Variants in CTU2 observed in about 807,000 individuals in gnomAD.
The protein encoded by CTU2 is cytoplasmic tRNA 2-thiolation protein 2.
CTU2 carries 80 observed loss-of-function variants against 64.1 expected under a neutral mutation model. The observed-to-expected ratio is 1.25, with a 90% CI of 1.04 to 1.50. The LOEUF (loss-of-function observed/expected upper bound fraction) is 1.50, where lower values mean the gene tolerates loss of function less well. Ranked by LOEUF, CTU2 falls within the 40% of genes most tolerant of loss-of-function variation. The pLI is 0.00. For missense variants in CTU2, 1,110 were observed against 690.2 expected (o/e 1.61, Z -6.81); for synonymous variants, 482 against 285.3 (o/e 1.69, Z -6.95).
At chr16:88,713,872 C>G in intron 9 of CTU2, 94 bp downstream of exon 9, 1 of 1,512,484 alleles carries the variant, frequency 6.6e-7, no homozygotes, top group East Asian at 2.3e-5. Context: ...GTCACCAGCA[C>G]ACCTTCAGTG....
intron 2 of CTU2, 98 bp from the exon 3 acceptor site, chr16:88,709,840 T>A: frequency 1.0e-6 from 1 of 979,756 alleles, no homozygotes; most frequent in Non-Finnish European, 1.6e-6. Flanking sequence ...CTTTTAAAGA[T>A]GGAGATTGGC....
chr16:88,712,870 A>G lies in CTU2; in HGVS notation c.702A>G (p.Thr234=), dbSNP rs1300178514. 2 of 1,539,550 alleles carry G rather than the reference A, an allele frequency of 1.3e-6. No individual in the cohort carries two copies. The highest frequency in any genetic ancestry group is 1.4e-5 in the African/African-American group (1 of 70,736). ...ALSQLFCSVR[T]LTAKEELLQT... Reference sequence around the variant, plus strand: ...CCCAACTGTTCTGCTCAGTGAGGACACTGACTGCCAAGGAGGAGCTTCTGC... The same window carrying G: ...CCCAACTGTTCTGCTCAGTGAGGACGCTGACTGCCAAGGAGGAGCTTCTGC... Residue 234 remains threonine, a synonymous_variant, in exon 7 of 15, where the codon ACA becomes ACG. Coordinates refer to ENST00000453996, the MANE Select transcript of CTU2 (RefSeq NM_001012759.3).
chr16:88,714,171 G>A lies in CTU2; in HGVS notation c.1041G>A (p.Glu347=), dbSNP rs764623963. The A allele has an allele frequency of 1.2e-6, 2 of 1,612,616 alleles. No homozygotes were observed. Among genetic ancestry groups the A allele is most frequent in the African/African-American group, 2.7e-5 (2 of 74,906 alleles). ...AGGCCAGCATCCACCGGCTGATGGA[G>A]GCCTTCATCCTCAGGCTGCAGACCC... ...PEKASIHRLM[E]AFILRLQTQF... Residue 347 remains glutamate, a synonymous_variant, in exon 10 of 15, where the codon GAG becomes GAA. Transcript: ENST00000453996.
rs779865269 is a variant in CTU2 at position 88,713,695 on chromosome 16, C to G, written c.922C>G (p.Arg308Gly). The stretch of plus-strand genomic sequence containing the variant: ...GGACGTGGTGGTGGTGCGGCCCATG[C>G]GGGACCACACCCTGAAGGAGGTCGC... Reference protein sequence around the residue: ...HGDVVVVRPMRDHTLKEVAFY... With the variant: ...HGDVVVVRPMGDHTLKEVAFY... Residue 308 changes from arginine to glycine, a missense_variant, in exon 9 of 15, where the codon CGG (arginine) becomes GGG (glycine). By Grantham distance (125) the Arg-to-Gly change is moderately radical. Transcript: ENST00000453996. 2 of 1,612,592 alleles carry G rather than the reference C, an allele frequency of 1.2e-6. No individual in the cohort carries two copies. The highest frequency in any genetic ancestry group is 1.7e-4 in the Middle Eastern group (1 of 6,056).
intron 5 of CTU2, 58 bp downstream of exon 5, chr16:88,711,753 C>T: frequency 1.3e-6 from 2 of 1,521,250 alleles, no homozygotes; most frequent in South Asian, 1.2e-5. Flanking sequence ...CCCTGCGGAT[C>T]CTCCCTCTGG....
intron 4 of CTU2, 64 bp from the exon 5 acceptor site, chr16:88,711,571 T>G: frequency 1.8e-4 from 257 of 1,451,170 alleles, no homozygotes; most frequent in Middle Eastern, 3.6e-4. Flanking sequence ...AAGAATGTTC[T>G]GAGCTGGAAA....
intron 2 of CTU2, among the ~76,000 whole-genome samples, chr16:88,708,127 CTTT>C (rs977409369): frequency 5.9e-5 from 9 of 152,166 alleles, no homozygotes; most frequent in South Asian, 2.1e-4. Context: ...ATAGGTACTT[CTTT>C]AACCACCCAG....
At chr16:88,709,733 G>A (rs4598894) in intron 2 of CTU2, 527,340 of 584,486 alleles carry the variant, frequency 0.9, 238,161 homozygotes, top group Middle Eastern at 0.94. Context: ...GGGAGGGGCC[G>A]GTGAGCCTCG....
intron 4 of CTU2, among the ~76,000 whole-genome samples, chr16:88,711,406 G>T (rs984348752): frequency 1.3e-5 from 2 of 152,180 alleles, no homozygotes; most frequent in African/African-American, 4.8e-5. Flanking sequence ...TTTTACCAGG[G>T]GGATGAAGAC....
rs142156554 is a variant in CTU2, at chr16:88,714,627, C to T, written c.1242C>T (p.Leu414=). 3.1e-6 allele frequency: 5 copies of T among 1,612,528 alleles called. No individual in the cohort carries two copies. In the African/African-American group the frequency reaches 6.7e-5, roughly 22 times the overall value. Residue 414 remains leucine (L), a synonymous_variant, in exon 12 of 15, where the codon CTC becomes CTT. Transcript: ENST00000453996. Reference sequence around the variant, plus strand: ...TTGGGGCTCAGACCTCCTCGCGTCTCTCCCAGATGCAGTCACCCATCCCCC... The same window carrying T: ...TTGGGGCTCAGACCTCCTCGCGTCTTTCCCAGATGCAGTCACCCATCCCCC... ...TAFGAQTSSR[L]SQMQSPIPLT...
At chr16:88,708,641 C>T (rs571387654) in intron 2 of CTU2, among the ~76,000 whole-genome samples, 13 of 152,256 alleles carry the variant, frequency 8.5e-5, no homozygotes, top group East Asian at 1.9e-4. Context: ...ACTTGCTTTA[C>T]TGTCTGTAAA....
chr16:88,710,697 C>T (rs1390293906), intron 4 of CTU2: 1 of 183,322 alleles, frequency 5.5e-6, no homozygotes, highest in East Asian at 1.6e-4. Flanking sequence ...TGACTTCTGT[C>T]CATTTGCTCA....
chr16:88,709,940 A>G lies in CTU2; in HGVS notation c.146A>G (p.Asp49Gly), dbSNP rs1911180909. ...CTCATCTCAGGTCTGTGTTGCAGGG[A>G]CTGTTTCAAGGCCTTCTACGTCCAC... ...VIRAGDAFCR[D>G]CFKAFYVHKF... Residue 49 changes from aspartate (D) to glycine (G), a missense_variant and splice_region_variant, in exon 3 of 15, where the codon GAC becomes GGC. Transcript: ENST00000453996. 1 of 1,613,674 alleles carries G rather than the reference A, an allele frequency of 6.2e-7. No individual in the cohort carries two copies. The highest frequency in any genetic ancestry group is 8.5e-7 in the Non-Finnish European group (1 of 1,179,920).
chr16:88,710,408 C>G (rs1409572237), intron 4 of CTU2, 126 bp downstream of exon 4: 1 of 917,106 alleles, frequency 1.1e-6, no homozygotes, highest in South Asian at 1.5e-5. Flanking sequence ...GGCCTGGACA[C>G]TTGGGGGGTT....
chr16:88,715,024 C>T (rs762475337), intron 13 of CTU2, 24 bp from the exon 14 acceptor site: 1 of 1,579,634 alleles, frequency 6.3e-7, no homozygotes, highest in Non-Finnish European at 8.6e-7. Flanking sequence ...TTTCTTGGCC[C>T]CTCGACACCG....
chr16:88,706,528 C>G lies in CTU2; in HGVS notation c.-3C>G, dbSNP rs570424055. The G allele has an allele frequency of 1.0e-4, 152 of 1,449,456 alleles. No individual in the cohort carries two copies. The African/African-American group carries it at 2.0e-3, about 19-fold the overall frequency. 89.8% of individuals were successfully genotyped at this position (1,449,456 alleles called of 1,614,324 possible). On this transcript the variant is annotated 5_prime_UTR_variant, in exon 1 of 15. Coordinates refer to ENST00000453996, the MANE Select transcript of CTU2 (RefSeq NM_001012759.3). ...ACAGTCTGCGACGGGACCCGGCGTG[C>G]CCATGTGTCAGGTGGGCGAGGACTA... is the stretch of plus-strand genomic sequence containing the variant.
intron 13 of CTU2, 50 bp downstream of exon 13, chr16:88,714,976 C>CCAT (rs1567654104): frequency 6.9e-6 from 11 of 1,603,730 alleles, no homozygotes; most frequent in Middle Eastern, 1.7e-4. Flanking sequence ...CGCGGGAAGG[C>CCAT]CGTCACCTCG....
At chr16:88,710,684 A>C (rs893325375) in intron 4 of CTU2, 4 of 195,446 alleles carry the variant, frequency 2.0e-5, no homozygotes, top group African/African-American at 9.4e-5. Context: ...TGTGCGGCCC[A>C]CTTGACTTCT....
At chr16:88,713,621 G>A (rs1911562220) in intron 8 of CTU2, 26 bp from the exon 9 acceptor site, 1 of 1,606,956 alleles carries the variant, frequency 6.2e-7, no homozygotes, top group African/African-American at 1.3e-5. Flanking sequence ...CCTTGACCTG[G>A]ACCACACAGC....
Sources: allele counts gnomAD v4.1 joint callset (sites outside exome capture counted in the v4.1 genomes callset), GRCh38; gene constraint gnomAD v4.1.1; transcripts MANE v1.5; gene names NCBI Gene and HGNC (gene_info 2026-07-23, HGNC 2026-07-21).